Variants in ZNF385B observed in about 807,000 individuals in gnomAD.
ZNF385B encodes the protein zinc finger protein 533.
A neutral mutation model predicts 39.2 loss-of-function variants in ZNF385B; 23 were observed. That is an observed-to-expected ratio of 0.59 (90% CI 0.42 to 0.83). ZNF385B has a LOEUF of 0.83. Ranked by LOEUF, ZNF385B falls within the 40% of genes least tolerant of loss-of-function variation. The pLI is 0.00. For missense variants in ZNF385B, 552 were observed against 598.9 expected (o/e 0.92, Z 0.82); for synonymous variants, 205 against 222.6 (o/e 0.92, Z 0.70).
chr2:179,750,504 G>A (rs73046894), intron 3 of ZNF385B, among the ~76,000 whole-genome samples: 14,003 of 152,112 alleles, frequency 0.092, 721 homozygotes, highest in Non-Finnish European at 0.11. Flanking sequence ...TACTACAAGT[G>A]AGAGACAATT....
At chr2:179,746,772 A>G (rs567235372) in intron 3 of ZNF385B, among the ~76,000 whole-genome samples, 150 of 152,240 alleles carry the variant, frequency 9.9e-4, no homozygotes, top group African/African-American at 3.2e-3. Flanking sequence ...GCTACTGGAC[A>G]TCGTCTTTAG....
chr2:179,454,030 G>A (rs1233407624), intron 6 of ZNF385B, among the ~76,000 whole-genome samples: 1 of 152,170 alleles, frequency 6.6e-6, no homozygotes, highest in Non-Finnish European at 1.5e-5. Flanking sequence ...ACGGAAGAAA[G>A]AGCAGACCAT....
intron 6 of ZNF385B, among the ~76,000 whole-genome samples, chr2:179,453,341 C>A (rs1015601301): frequency 2.0e-5 from 3 of 152,096 alleles, no homozygotes; most frequent in Non-Finnish European, 2.9e-5. Context: ...TCCTCAGAAA[C>A]CCCCAACACA....
intron 3 of ZNF385B, among the ~76,000 whole-genome samples, chr2:179,616,605 G>A (rs1158224477): frequency 1.3e-5 from 2 of 152,120 alleles, no homozygotes; most frequent in Admixed American, 1.3e-4. Flanking sequence ...TGTCACCCAG[G>A]CTGGAGTGCA....
chr2:179,543,160 T>C (rs781267622), intron 4 of ZNF385B, among the ~76,000 whole-genome samples: 11 of 152,004 alleles, frequency 7.2e-5, no homozygotes, highest in Non-Finnish European at 7.4e-5. Context: ...TAATCCCAGC[T>C]ACTCAGGAGG....
chr2:179,755,797 C>G (rs563796640), intron 3 of ZNF385B, among the ~76,000 whole-genome samples: 3 of 152,282 alleles, frequency 2.0e-5, no homozygotes, highest in South Asian at 4.1e-4. Context: ...AGATCTTCCT[C>G]CATCCCTTTA....
At chr2:179,735,036 C>A (rs886461363) in intron 3 of ZNF385B, among the ~76,000 whole-genome samples, 1 of 151,822 alleles carries the variant, frequency 6.6e-6, no homozygotes, top group Non-Finnish European at 1.5e-5. Context: ...CAAATGGGAT[C>A]TAATTAAACT....
chr2:179,597,477 C>T (rs1688090745), intron 3 of ZNF385B, among the ~76,000 whole-genome samples: 1 of 152,160 alleles, frequency 6.6e-6, no homozygotes, highest in Non-Finnish European at 1.5e-5. Flanking sequence ...CTTAATATGT[C>T]AATGACTGCA....
chr2:179,556,849 A>C (rs2060938183), intron 3 of ZNF385B, among the ~76,000 whole-genome samples: 1 of 149,228 alleles, frequency 6.7e-6, no homozygotes, highest in African/African-American at 2.5e-5. Context: ...TGCCAAAAAG[A>C]AAAATGTATA....
chr2:179,682,749 C>A (rs549042005), intron 3 of ZNF385B, among the ~76,000 whole-genome samples: 1 of 151,882 alleles, frequency 6.6e-6, no homozygotes, highest in Non-Finnish European at 1.5e-5. Context: ...TAAGTACACA[C>A]ACACACACAC....
intron 5 of ZNF385B, among the ~76,000 whole-genome samples, chr2:179,513,230 C>T (rs1015807845): frequency 6.6e-6 from 1 of 151,908 alleles, no homozygotes; most frequent in Admixed American, 6.6e-5. Flanking sequence ...ATAATAAACT[C>T]CCCCCCAAAT....
intron 3 of ZNF385B, among the ~76,000 whole-genome samples, chr2:179,651,416 T>G (rs1385592432): frequency 6.6e-6 from 1 of 152,144 alleles, no homozygotes; most frequent in Non-Finnish European, 1.5e-5. Flanking sequence ...TTGTTTCACT[T>G]TTTTAGATTA....
At chr2:179,494,901 T>A (rs1270572939) in intron 5 of ZNF385B, among the ~76,000 whole-genome samples, 1 of 152,190 alleles carries the variant, frequency 6.6e-6, no homozygotes, top group African/African-American at 2.4e-5. Context: ...GTTTTCTAAT[T>A]TTTTAAAGTG....
intron 3 of ZNF385B, among the ~76,000 whole-genome samples, chr2:179,637,799 C>A (rs369237440): frequency 2.6e-5 from 4 of 152,108 alleles, no homozygotes; most frequent in South Asian, 2.1e-4. Flanking sequence ...CTCCATATTG[C>A]CCTGCAGTAT....
chr2:179,641,210 G>A (rs931331080), intron 3 of ZNF385B, among the ~76,000 whole-genome samples: 1 of 146,952 alleles, frequency 6.8e-6, no homozygotes, highest in Non-Finnish European at 1.5e-5. Flanking sequence ...GCTATAAAAC[G>A]TTTTATAGTC....
chr2:179,499,594 C>T (rs960820760), intron 5 of ZNF385B, among the ~76,000 whole-genome samples: 2 of 151,860 alleles, frequency 1.3e-5, no homozygotes, highest in Non-Finnish European at 2.9e-5. Flanking sequence ...ATTCAACATC[C>T]CTTCATGATA....
intron 3 of ZNF385B, among the ~76,000 whole-genome samples, chr2:179,601,262 A>G (rs1211587090): frequency 6.6e-6 from 1 of 152,198 alleles, no homozygotes; most frequent in East Asian, 1.9e-4. Flanking sequence ...AAGAGGAGTA[A>G]GCGTTTTGGG....
At chr2:179,838,945 G>A (rs953020420) in intron 1 of ZNF385B, among the ~76,000 whole-genome samples, 4 of 148,208 alleles carry the variant, frequency 2.7e-5, no homozygotes, top group African/African-American at 1.0e-4. Context: ...GGGGCATTTT[G>A]CTGCTCCTTG....
chr2:179,788,403 G>T (rs1027779529), intron 1 of ZNF385B, among the ~76,000 whole-genome samples: 2 of 152,080 alleles, frequency 1.3e-5, no homozygotes, highest in African/African-American at 4.8e-5. Context: ...GTTCTATTGG[G>T]TCAAAGCATG....
Sources: gnomAD v4.1 joint callset for allele counts (sites outside exome capture counted in the v4.1 genomes callset) on GRCh38, gnomAD v4.1.1 for gene constraint, MANE v1.5 for transcripts, NCBI Gene and HGNC (gene_info 2026-07-23, HGNC 2026-07-21) for gene names.